Variants in VPS54 observed in about 807,000 individuals in gnomAD.
VPS54 encodes VPS54 subunit of GARP complex.
In VPS54, 45 loss-of-function variants were observed where a neutral mutation model predicts 121.5. That is an observed-to-expected ratio of 0.37 (90% confidence interval 0.29 to 0.47). The LOEUF (loss-of-function observed/expected upper bound fraction) is 0.47, where lower values mean the gene tolerates loss of function less well. Ranked by LOEUF, VPS54 falls within the 20% of genes least tolerant of loss-of-function variation. The pLI is 0.99. For synonymous variants in VPS54, 371 were observed against 385.8 expected (o/e 0.96, Z 0.45); for missense variants, 1,090 against 1,131.4 (o/e 0.96, Z 0.52).
At chr2:63,957,338 A>G (rs1264493682) in intron 7 of VPS54, among the ~76,000 whole-genome samples, 1 of 151,076 alleles carries the variant, frequency 6.6e-6, no homozygotes, top group Non-Finnish European at 1.5e-5. Context: ...GCTACTCAGG[A>G]GGCTGAGGCA....
intron 20 of VPS54, among the ~76,000 whole-genome samples, chr2:63,904,008 T>G (rs973505605): frequency 2.0e-5 from 3 of 151,932 alleles, no homozygotes; most frequent in African/African-American, 7.3e-5. Flanking sequence ...GAAACTAACT[T>G]TAAATAAGGC....
chr2:63,931,992 A>G (rs1674230886), intron 12 of VPS54, among the ~76,000 whole-genome samples: 1 of 152,228 alleles, frequency 6.6e-6, no homozygotes, highest in Non-Finnish European at 1.5e-5. Flanking sequence ...CGATCACTAC[A>G]AAATCAGGAA....
chr2:63,970,202 AAT>A (rs560705872), intron 4 of VPS54, among the ~76,000 whole-genome samples: 1,324 of 58,770 alleles, frequency 0.023, 27 homozygotes, highest in Non-Finnish European at 0.026. Context: ...ATTAAAAAAA[AAT>A]ATATATATAC....
chr2:63,899,154 G>T (rs1463470235), intron 21 of VPS54, among the ~76,000 whole-genome samples: 3 of 152,056 alleles, frequency 2.0e-5, no homozygotes, highest in Non-Finnish European at 2.9e-5. Context: ...ATTGATAAAG[G>T]CCAACTCTAA....
In VPS54 at chr2:63,954,901, G is replaced by C. The variant is rs192116353; in HGVS notation, c.1011-5738C>G. On this transcript the variant is annotated intron_variant, in intron 7 of 22. Transcript: ENST00000272322. Reference sequence around the variant, plus strand: ...AAGAAAATTAGAATGGATAACTATGGATCAAAAAACACTTGAGACATATCA... The same window carrying C: ...AAGAAAATTAGAATGGATAACTATGCATCAAAAAACACTTGAGACATATCA... Among the ~76,000 whole-genome samples the C allele has an allele frequency of 7.2e-4, 110 of 151,842 alleles. 1 individual carries two copies. The highest frequency in any genetic ancestry group is 1.3e-3 in the Non-Finnish European group (91 of 67,832).
chr2:63,956,359 A>G (rs991308788), intron 7 of VPS54, among the ~76,000 whole-genome samples: 3 of 152,218 alleles, frequency 2.0e-5, no homozygotes, highest in African/African-American at 7.2e-5. Flanking sequence ...AATCTATAAT[A>G]AACTGAGTGT....
At chr2:63,948,309 G>A (rs1478842030) in intron 8 of VPS54, among the ~76,000 whole-genome samples, 2 of 151,670 alleles carry the variant, frequency 1.3e-5, no homozygotes, top group African/African-American at 4.8e-5. Context: ...AGTGAAGCCT[G>A]GATATTATGT....
At chr2:63,948,777 T>A (rs1675108324) in intron 8 of VPS54, among the ~76,000 whole-genome samples, 1 of 152,196 alleles carries the variant, frequency 6.6e-6, no homozygotes, top group Non-Finnish European at 1.5e-5. Flanking sequence ...TCATCCTATA[T>A]CTGTATTTTT....
chr2:63,960,089 C>A (rs1169076366), intron 7 of VPS54, among the ~76,000 whole-genome samples: 2 of 150,786 alleles, frequency 1.3e-5, no homozygotes, highest in Admixed American at 1.3e-4. Flanking sequence ...CCCATCTACT[C>A]AGGAGGCTGA....
chr2:63,909,713 T>C (rs6716558), intron 20 of VPS54, among the ~76,000 whole-genome samples: 111,223 of 143,754 alleles, frequency 0.77, 44,360 homozygotes, highest in African/African-American at 0.88. Context: ...CGACCTCGCC[T>C]GGCCGTTTTT....
In VPS54 at chr2:63,912,351, T is replaced by C. The variant is rs375763715; in HGVS notation, c.2619A>G (p.Leu873=). The C allele has an allele frequency of 3.1e-6, 5 of 1,607,596 alleles. No individual in the cohort carries two copies. The highest frequency in any genetic ancestry group is 2.2e-5 in the South Asian group (2 of 90,334). Residue 873 remains leucine (L), a synonymous_variant, in exon 20 of 23, where the codon TTA becomes TTG. Transcript: ENST00000272322. ...AATTTCTATAAATCATTACCTTAGATAACAGCTTGTCAAATAAGCTATCCA... is the reference window on the plus strand; with the variant it reads ...AATTTCTATAAATCATTACCTTAGACAACAGCTTGTCAAATAAGCTATCCA... ...AIMDSLFDKL[L]SKYEVKAPVP... is the part of the protein sequence containing the mutation.
At chr2:63,957,441 CA>C (rs10551633) in intron 7 of VPS54, among the ~76,000 whole-genome samples, 34,742 of 90,146 alleles carry the variant, frequency 0.39, 3,915 homozygotes, top group Non-Finnish European at 0.4. Flanking sequence ...GACTCCATCT[CA>C]AAAAAAAAAA....
chr2:64,003,390 C>T (rs1177151536), intron 1 of VPS54, among the ~76,000 whole-genome samples: 1 of 152,104 alleles, frequency 6.6e-6, no homozygotes, highest in Non-Finnish European at 1.5e-5. Flanking sequence ...AAATATTATT[C>T]TCTCTTGAAG....
At chr2:63,992,453 T>C (rs1677373302) in intron 1 of VPS54, among the ~76,000 whole-genome samples, 1 of 152,224 alleles carries the variant, frequency 6.6e-6, no homozygotes, top group African/African-American at 2.4e-5. Flanking sequence ...TCCCAATTAC[T>C]ATAAAAGAAG....
intron 11 of VPS54, among the ~76,000 whole-genome samples, chr2:63,941,900 G>A (rs1252385231): frequency 6.6e-6 from 1 of 151,830 alleles, no homozygotes; most frequent in Non-Finnish European, 1.5e-5. Context: ...CAGGCGTGGT[G>A]GCACACGCCT....
intron 8 of VPS54, among the ~76,000 whole-genome samples, chr2:63,948,233 T>G (rs922202428): frequency 1.8e-4 from 27 of 151,300 alleles, no homozygotes; most frequent in Admixed American, 4.6e-4. Flanking sequence ...ACTTAGGCAG[T>G]TATCAGGGTT....
chr2:63,921,867 A>C (rs62136395), intron 12 of VPS54, among the ~76,000 whole-genome samples: 20 of 152,352 alleles, frequency 1.3e-4, no homozygotes, highest in Admixed American at 2.0e-4. Flanking sequence ...CTCCAATTGG[A>C]AAGTCTGCAG....
At chr2:63,897,743 A>T (rs767946106) in intron 21 of VPS54, among the ~76,000 whole-genome samples, 153 bp from the exon 22 acceptor site, 2 of 152,132 alleles carry the variant, frequency 1.3e-5, no homozygotes, top group Non-Finnish European at 2.9e-5. Flanking sequence ...TTCTATTGCT[A>T]TTTCACTACA....
At chr2:63,973,774 G>GAAGAA (rs1676394407) in intron 3 of VPS54, among the ~76,000 whole-genome samples, 1 of 152,066 alleles carries the variant, frequency 6.6e-6, no homozygotes, top group Admixed American at 6.5e-5. Context: ...TGAACTCTTG[G>GAAGAA]TCTCAAGTGA....
Sources: gnomAD v4.1 joint callset for allele counts (sites outside exome capture counted in the v4.1 genomes callset) on GRCh38, gnomAD v4.1.1 for gene constraint, MANE v1.5 for transcripts, NCBI Gene and HGNC (gene_info 2026-07-23, HGNC 2026-07-21) for gene names.